PHF24: variants seen among roughly 807,000 people sequenced by gnomAD.
PHF24 encodes the protein Galpha inhibitory interacting protein.
In PHF24, 25 loss-of-function variants were observed where a neutral mutation model predicts 42.6. The observed-to-expected ratio is 0.59, with a 90% CI of 0.43 to 0.82. The LOEUF is 0.82. PHF24 is among the 40% of genes least tolerant of loss of function. The probability of loss-of-function intolerance (pLI) is 0.00; values close to 1 mark genes in which losing one functional copy is unlikely to be tolerated. For missense variants in PHF24, 470 were observed against 538.1 expected, an observed-to-expected ratio of 0.87 and a Z score of 1.25; for synonymous variants, 185 against 204.8, an observed-to-expected ratio of 0.90 and a Z score of 0.83.
intron 3 of PHF24, among the ~76,000 whole-genome samples, chr9:34,975,901 T>G (rs942169014): frequency 4.6e-5 from 7 of 151,880 alleles, no homozygotes; most frequent in African/African-American, 1.7e-4. Context: ...AAACCACTGT[T>G]TTAGTAAAGG....
At chr9:34,893,039 T>G in the PHF24 span, 1 of 946,416 alleles carries the variant, frequency 1.1e-6, no homozygotes, top group Non-Finnish European at 1.6e-6. Context: ...GATCTGGTTG[T>G]TCTCACCTGC....
the PHF24 span, chr9:34,724,820 T>G: frequency 6.4e-7 from 1 of 1,550,930 alleles, no homozygotes; most frequent in Non-Finnish European, 8.7e-7. Context: ...GATGACAGAT[T>G]GGCTAGTGAC....
chr9:34,837,120 C>G, the PHF24 span: 1 of 471,280 alleles, frequency 2.1e-6, no homozygotes, highest in Non-Finnish European at 4.4e-6. Context: ...CTGAGAAAGT[C>G]TCCTAGCTGA....
At chr9:34,850,535 T>C in the PHF24 span, among the ~76,000 whole-genome samples, 1 of 152,238 alleles carries the variant, frequency 6.6e-6, no homozygotes, top group African/African-American at 2.4e-5. Flanking sequence ...AACTTCTTTG[T>C]CTTTGTTTTG....
the PHF24 span, among the ~76,000 whole-genome samples, chr9:34,739,785 C>T: frequency 6.6e-6 from 1 of 152,160 alleles, no homozygotes; most frequent in African/African-American, 2.4e-5. Flanking sequence ...CAGCGTGTTG[C>T]CGCTGCTGGC....
At chr9:34,931,861 T>A in the PHF24 span, among the ~76,000 whole-genome samples, 1 of 152,180 alleles carries the variant, frequency 6.6e-6, no homozygotes, top group African/African-American at 2.4e-5. Context: ...CCTGGGGAGA[T>A]ACTGGTGAAA....
the PHF24 span, among the ~76,000 whole-genome samples, chr9:34,936,331 G>A: frequency 5.9e-5 from 9 of 152,210 alleles, no homozygotes; most frequent in African/African-American, 1.9e-4. Flanking sequence ...TCGGCCTCCG[G>A]AGGTGCCGGG....
chr9:34,936,940 C>T, the PHF24 span, among the ~76,000 whole-genome samples: 7 of 146,682 alleles, frequency 4.8e-5, no homozygotes, highest in Non-Finnish European at 9.0e-5. Context: ...AAGTGAGGAG[C>T]GTCTCCACCC....
chr9:34,767,436 T>C, the PHF24 span, among the ~76,000 whole-genome samples: 16 of 152,358 alleles, frequency 1.1e-4, no homozygotes, highest in Non-Finnish European at 2.9e-5. Flanking sequence ...GCCTCGCTGC[T>C]GCCTTGCAGT....
At chr9:34,971,582 G>A (rs1169632598) in exon 2 of PHF24, 7 of 1,614,128 alleles carry the variant, frequency 4.3e-6, no homozygotes, top group Non-Finnish European at 5.1e-6. Context: ...GAGTTTGACA[G>A]GACAAGTCGA....
upstream of PHF24, among the ~76,000 whole-genome samples, chr9:34,956,945 C>G (rs1278871062): frequency 1.3e-5 from 2 of 152,210 alleles, no homozygotes; most frequent in Non-Finnish European, 2.9e-5. Context: ...AATCAGAATA[C>G]CTGAATTTCA....
chr9:34,845,722 T>C, the PHF24 span, among the ~76,000 whole-genome samples: 1 of 150,958 alleles, frequency 6.6e-6, no homozygotes, highest in South Asian at 2.1e-4. Flanking sequence ...TAGCATTAGG[T>C]ATATCTCCTA....
chr9:34,942,236 C>T, the PHF24 span, among the ~76,000 whole-genome samples: 1 of 152,316 alleles, frequency 6.6e-6, no homozygotes, highest in Middle Eastern at 3.4e-3. Context: ...TGAAAGCTGG[C>T]AGCCTTCCAT....
chr9:34,976,846 A>G (rs530511768), intron 5 of PHF24, 106 bp downstream of exon 5: 6 of 1,044,048 alleles, frequency 5.7e-6, no homozygotes, highest in African/African-American at 4.8e-5. Flanking sequence ...AGCAGGGACA[A>G]GTATCAGGAA....
At chr9:34,710,466 C>CT in the PHF24 span, among the ~76,000 whole-genome samples, 17,669 of 117,416 alleles carry the variant, frequency 0.15, 1,667 homozygotes, top group Middle Eastern at 0.22. Context: ...TGTAAGAGTT[C>CT]TTTTTTTTTT....
At chr9:34,816,064 A>G in the PHF24 span, among the ~76,000 whole-genome samples, 1 of 151,450 alleles carries the variant, frequency 6.6e-6, no homozygotes, top group Non-Finnish European at 1.5e-5. Flanking sequence ...TATAACTGAT[A>G]AGCTTTTTTA....
At chr9:34,930,429 G>A in the PHF24 span, among the ~76,000 whole-genome samples, 1 of 152,202 alleles carries the variant, frequency 6.6e-6, no homozygotes, top group African/African-American at 2.4e-5. Context: ...ACTGAAGGAG[G>A]CACCCAGAAT....
chr9:34,841,902 G>A, the PHF24 span, among the ~76,000 whole-genome samples: 1 of 152,316 alleles, frequency 6.6e-6, no homozygotes, highest in South Asian at 2.1e-4. Context: ...TTTCACATTT[G>A]TATATACTTG....
the PHF24 span, chr9:34,709,999 C>T: frequency 1.2e-6 from 2 of 1,614,126 alleles, no homozygotes; most frequent in Non-Finnish European, 1.7e-6. Flanking sequence ...TGCCTTGGTA[C>T]CTTGGGTCCT....
Sources: allele counts gnomAD v4.1 joint callset (sites outside exome capture counted in the v4.1 genomes callset), GRCh38; gene constraint gnomAD v4.1.1; transcripts MANE v1.5; gene names NCBI Gene and HGNC (gene_info 2026-07-23, HGNC 2026-07-21).